IRGQ: variants seen among roughly 807,000 people sequenced by gnomAD.
IRGQ encodes the protein immunity related GTPase Q.
In IRGQ, 5 loss-of-function variants were observed where a neutral mutation model predicts 10.5. The ratio of observed to expected loss-of-function variants is 0.48; its 90% CI spans 0.25 to 1.00. The LOEUF (loss-of-function observed/expected upper bound fraction) is 1.00. Ranked by LOEUF, IRGQ falls within the 50% of genes least tolerant of loss-of-function variation. The pLI, the probability that IRGQ is intolerant of heterozygous loss-of-function variation, is 0.16. For missense variants in IRGQ, 792 were observed against 877.7 expected (o/e 0.90, Z 1.23); for synonymous variants, 418 against 426.0 (o/e 0.98, Z 0.23).
In IRGQ at chr19:43,592,998, G is replaced by T; in HGVS notation, c.900C>A (p.Leu300=). The change falls in exon 3 of 3, where the codon CTC becomes CTA. Residue 300 remains leucine, a synonymous_variant. Coordinates refer to ENST00000422989, the MANE Select transcript of IRGQ (RefSeq NM_001007561.3). The part of the protein sequence containing the change: ...AASHPTHYDA[L]ILVTPGAPTE... ...TGGGGGCCCCAGGGGTGACGAGGAT[G>T]AGGGCGTCGTAGTGCGTTGGGTGAG... is the stretch of plus-strand genomic sequence containing the variant. 1 of 1,608,880 alleles carries T rather than the reference G, an allele frequency of 6.2e-7. No homozygotes were observed. Among genetic ancestry groups the T allele is most frequent in the East Asian group, 2.2e-5 (1 of 44,836 alleles).
In IRGQ at chr19:43,586,549, G is replaced by A; in HGVS notation, c.*5477C>T. 1 of 152,202 alleles carries A rather than the reference G, an allele frequency of 6.6e-6. No individual in the cohort carries two copies. Among genetic ancestry groups the A allele is most frequent in the African/African-American group, 2.4e-5 (1 of 41,432 alleles). The allele number at this position is 152,202 out of a possible 1,614,324, so 9.4% of individuals were successfully genotyped here. ...CTGGCATGAGGGCAGAGGAAATTGA[G>A]AGGAGCAAAGCATATAGCAGTGATG... is the stretch of plus-strand genomic sequence containing the variant. On this transcript the variant is annotated 3_prime_UTR_variant, in exon 3 of 3. Coordinates refer to ENST00000422989, the MANE Select transcript of IRGQ (RefSeq NM_001007561.3).
rs1180065077 is a variant in IRGQ at position 43,584,908 on chromosome 19, G to A, written c.*7118C>T. The A allele has an allele frequency of 6.6e-6, 1 of 152,048 alleles. No homozygotes were observed. The highest frequency in any genetic ancestry group is 1.9e-4 in the East Asian group (1 of 5,192). 9.4% of individuals were successfully genotyped at this position (152,048 alleles called of 1,614,324 possible). On this transcript the variant is annotated 3_prime_UTR_variant, in exon 3 of 3. Coordinates refer to ENST00000422989, the MANE Select transcript of IRGQ (RefSeq NM_001007561.3). ...GTCACCCAGGCTGGAGTGCAGTGGA[G>A]CCATCATAGCTCACTTCAGCCTCGA...
chr19:43,594,521 C>T (rs914530955), intron 2 of IRGQ, among the ~76,000 whole-genome samples: 4 of 151,550 alleles, frequency 2.6e-5, no homozygotes, highest in East Asian at 2.0e-4. Flanking sequence ...CCAGCCTGGG[C>T]GACAGAGTGA....
chr19:43,592,701 G>A lies in IRGQ; in HGVS notation c.1197C>T (p.Gly399=), dbSNP rs2146097432. The A allele has an allele frequency of 1.2e-6, 2 of 1,609,066 alleles. No individual in the cohort carries two copies. Among genetic ancestry groups the A allele is most frequent in the Non-Finnish European group, 8.5e-7 (1 of 1,179,988 alleles). The change falls in exon 3 of 3, where the codon GGC becomes GGT. Residue 399 remains glycine (G), a synonymous_variant. Coordinates refer to ENST00000422989, the MANE Select transcript of IRGQ (RefSeq NM_001007561.3). ...AGSEGLQQVV[G]MKKSGGGDSE... is the part of the protein sequence containing the mutation. ...AGTCGCCACCACCTGATTTCTTCAT[G>A]CCGACAACCTGCTGCAAACCCTCGC...
At position 43,592,305 on chromosome 19, in the gene IRGQ, C is replaced by T; in HGVS notation, c.1593G>A (p.Glu531=). The change falls in exon 3 of 3, where the codon GAG becomes GAA. Residue 531 remains glutamate, a synonymous_variant. Coordinates refer to ENST00000422989, the MANE Select transcript of IRGQ (RefSeq NM_001007561.3). ...GLEPTALARR[E]RALGLASGEL... ...CTCCAGAAGCCAGGCCCAGGGCACG[C>T]TCACGTCGAGCCAGTGCCGTGGGTT... 6.4e-7 allele frequency: 1 copy of T among 1,565,836 alleles called. No individual in the cohort carries two copies. Among genetic ancestry groups the T allele is most frequent in the Non-Finnish European group, 8.6e-7 (1 of 1,164,560 alleles).
In IRGQ at chr19:43,591,117, A is replaced by G. The variant is rs1255478634; in HGVS notation, c.*909T>C. 1 of 152,310 alleles carries G rather than the reference A, an allele frequency of 6.6e-6. No homozygotes were observed. Among genetic ancestry groups the G allele is most frequent in the African/African-American group, 2.4e-5 (1 of 41,438 alleles). The allele number at this position is 152,310 out of a possible 1,614,324, so 9.4% of individuals were successfully genotyped here. A position where few individuals can be genotyped will look rare whatever the true frequency, so the allele number is the denominator to read the frequency against. ...CACAAGCCCCCGATCCCTCCTCCAGATGCAGACCTCCCCTTACCCAATATT... is the reference window on the plus strand; with the variant it reads ...CACAAGCCCCCGATCCCTCCTCCAGGTGCAGACCTCCCCTTACCCAATATT... On this transcript the variant is annotated 3_prime_UTR_variant, in exon 3 of 3. Transcript: ENST00000422989.
In IRGQ at chr19:43,595,068, G is replaced by C. The variant is rs1291159282; in HGVS notation, c.271C>G (p.Pro91Ala). ...VLPGPEGNGEPLAPALGEAAL... is the reference protein window; with the variant it reads ...VLPGPEGNGEALAPALGEAAL... ...GCCTCTCCCAGGGCTGGAGCCAACGGTTCCCCGTTCCCCTCGGGTCCGGGC... is the reference window on the plus strand; with the variant it reads ...GCCTCTCCCAGGGCTGGAGCCAACGCTTCCCCGTTCCCCTCGGGTCCGGGC... The change falls in exon 2 of 3, where the codon CCG becomes GCG. Residue 91 changes from proline to alanine, a missense_variant. Physicochemically the swap from Pro to Ala is conservative, Grantham distance 27. Coordinates refer to ENST00000422989, the MANE Select transcript of IRGQ (RefSeq NM_001007561.3). The C allele has an allele frequency of 6.2e-7, 1 of 1,612,628 alleles. No individual in the cohort carries two copies. The highest frequency in any genetic ancestry group is 1.7e-5 in the Admixed American group (1 of 59,954).
At position 43,592,256 on chromosome 19, in the gene IRGQ, G is replaced by C. The variant is rs780969464; in HGVS notation, c.1642C>G (p.Pro548Ala). The C allele has an allele frequency of 1.3e-6, 2 of 1,577,186 alleles. No individual in the cohort carries two copies. Among genetic ancestry groups the C allele is most frequent in the Admixed American group, 3.5e-5 (2 of 56,780 alleles). Reference sequence around the variant, plus strand: ...ACCTCGGCGCGCGTCACCGGGCCTGGGAAATGAGCGCGCGCTGCCAGCTCT... The same window carrying C: ...ACCTCGGCGCGCGTCACCGGGCCTGCGAAATGAGCGCGCGCTGCCAGCTCT... ...SGELAARAHF[P>A]GPVTRAEVEA... The change falls in exon 3 of 3, where the codon CCA (proline) becomes GCA (alanine). Residue 548 changes from proline (P) to alanine (A), a missense_variant. Transcript: ENST00000422989.
At chr19:43,594,775 G>A (rs778662336) in intron 2 of IRGQ, 34 bp downstream of exon 2, 6 of 1,564,116 alleles carry the variant, frequency 3.8e-6, no homozygotes, top group Admixed American at 1.8e-5. Flanking sequence ...CTAGGGTCTC[G>A]ACTAACGGAC....
rs1159420676 is a variant in IRGQ, at chr19:43,591,717, AGG to A, written c.*307_*308del. On this transcript the variant is annotated 3_prime_UTR_variant, in exon 3 of 3. Coordinates refer to ENST00000422989, the MANE Select transcript of IRGQ (RefSeq NM_001007561.3). ...ACAAAAATTAGCCAGGTGTGGTGGCAGGCACCTGTAATCCCAGCTACTCCGGA... is the reference window on the plus strand; with the variant it reads ...ACAAAAATTAGCCAGGTGTGGTGGCACACCTGTAATCCCAGCTACTCCGGA... 1 of 247,856 alleles carries A rather than the reference AGG, an allele frequency of 4.0e-6. No homozygotes were observed. The highest frequency in any genetic ancestry group is 7.5e-5 in the East Asian group (1 of 13,350). 15.4% of individuals were successfully genotyped at this position (247,856 alleles called of 1,614,324 possible).
At position 43,592,597 on chromosome 19, in the gene IRGQ, AG is replaced by A; in HGVS notation, c.1300del (p.Leu434TyrfsTer118). ...LEEAPPPVFPLRPGGLPGLCE... is the reference protein window; with the variant it reads ...LEEAPPPVFPXRPGGLPGLCE... The stretch of plus-strand genomic sequence containing the variant: ...TAGCCCTGGGAGTCCGCCAGGCCGT[AG>A]GGGGAACACTGGCGGCGGCGCCTCC... On this transcript the variant is annotated frameshift_variant, in exon 3 of 3. Coordinates refer to ENST00000422989, the MANE Select transcript of IRGQ (RefSeq NM_001007561.3). LOFTEE classifies it low-confidence loss of function (END_TRUNC). 1 of 1,600,794 alleles carries A rather than the reference AG, an allele frequency of 6.2e-7. No homozygotes were observed.
rs1972974199 is a variant in IRGQ at position 43,584,753 on chromosome 19, T to C, written c.*7273A>G. The C allele has an allele frequency of 6.6e-6, 1 of 152,288 alleles. No individual in the cohort carries two copies. Among genetic ancestry groups the C allele is most frequent in the African/African-American group, 2.4e-5 (1 of 41,470 alleles). The allele number at this position is 152,288 out of a possible 1,614,324, so 9.4% of individuals were successfully genotyped here. A position where few individuals can be genotyped will look rare whatever the true frequency, so the allele number is the denominator to read the frequency against. On this transcript the variant is annotated 3_prime_UTR_variant, in exon 3 of 3. Transcript: ENST00000422989. The stretch of plus-strand genomic sequence containing the variant: ...TAGGGAGCTCTGTTTCAGAGGTTGG[T>C]TGGCTATGGGTGGCAGGGATCAAGG...
rs1972987767 is a variant in IRGQ at position 43,585,692 on chromosome 19, T to C, written c.*6334A>G. On this transcript the variant is annotated 3_prime_UTR_variant, in exon 3 of 3. Transcript: ENST00000422989. ...AGTTGGGGTCATTAATGGGTATACC[T>C]GGCTCCAGAACTAAGGCGCTTTACC... The C allele has an allele frequency of 6.6e-6, 1 of 152,172 alleles. No homozygotes were observed. The highest frequency in any genetic ancestry group is 1.5e-5 in the Non-Finnish European group (1 of 68,026). The allele number at this position is 152,172 out of a possible 1,614,324, so 9.4% of individuals were successfully genotyped here.
rs754705881 is a variant in IRGQ, at chr19:43,592,252, C to T, written c.1646G>A (p.Gly549Asp). 118 of 1,578,352 alleles carry T rather than the reference C, an allele frequency of 7.5e-5. No individual in the cohort carries two copies. Among genetic ancestry groups the T allele is most frequent in the Admixed American group, 2.8e-4 (16 of 56,840 alleles). The part of the protein sequence containing the change: ...GELAARAHFP[G>D]PVTRAEVEAR... ...TTCCACCTCGGCGCGCGTCACCGGG[C>T]CTGGGAAATGAGCGCGCGCTGCCAG... Residue 549 changes from glycine to aspartate, a missense_variant, in exon 3 of 3, where the codon GGC (glycine) becomes GAC (aspartate). By Grantham distance (94) the Gly-to-Asp change is moderately conservative. Coordinates refer to ENST00000422989, the MANE Select transcript of IRGQ (RefSeq NM_001007561.3).
rs1270353584 is a variant in IRGQ, at chr19:43,584,833, C to A, written c.*7193G>T. The A allele has an allele frequency of 6.6e-6, 1 of 152,082 alleles. No homozygotes were observed. The highest frequency in any genetic ancestry group is 2.4e-5 in the African/African-American group (1 of 41,406). The allele number at this position is 152,082 out of a possible 1,614,324, so 9.4% of individuals were successfully genotyped here. A position where few individuals can be genotyped will look rare whatever the true frequency, so the allele number is the denominator to read the frequency against. ...TATTACCCAGCAGGTTAGCCCAGAT[C>A]TTTTCCTTTTCTTTCCTTCTTTTTA... On this transcript the variant is annotated 3_prime_UTR_variant, in exon 3 of 3. Transcript: ENST00000422989.
Position 43,589,580 on chromosome 19 carries a change from A to C in IRGQ, c.*2446T>G, listed in dbSNP as rs1973032243. ...CAACAGAGCAAGACCCTGTCTCTAA[A>C]ATAATAATAATAATAATAAATATTT... On this transcript the variant is annotated 3_prime_UTR_variant, in exon 3 of 3. Coordinates refer to ENST00000422989, the MANE Select transcript of IRGQ (RefSeq NM_001007561.3). 1 of 151,582 alleles carries C rather than the reference A, an allele frequency of 6.6e-6. No individual in the cohort carries two copies. Among genetic ancestry groups the C allele is most frequent in the African/African-American group, 2.4e-5 (1 of 41,192 alleles). The allele number at this position is 151,582 out of a possible 1,614,324, so 9.4% of individuals were successfully genotyped here.
chr19:43,594,380 A>C (rs977016030), intron 2 of IRGQ, among the ~76,000 whole-genome samples: 2 of 152,306 alleles, frequency 1.3e-5, no homozygotes, highest in African/African-American at 4.8e-5. Flanking sequence ...AGAGTTCAAG[A>C]CCAGCCTGGG....
rs1180095500 is a variant in IRGQ at position 43,596,020 on chromosome 19, T to C, written c.-41A>G. ...GACCCACGGGAGAGAGCGCAGTCGG[T>C]GGCAGTAGGTCAGCAGCTGAGAAGC... On this transcript the variant is annotated 5_prime_UTR_variant, in exon 1 of 3. Coordinates refer to ENST00000422989, the MANE Select transcript of IRGQ (RefSeq NM_001007561.3). 1 of 152,186 alleles carries C rather than the reference T, an allele frequency of 6.6e-6. No individual in the cohort carries two copies. The highest frequency in any genetic ancestry group is 1.5e-5 in the Non-Finnish European group (1 of 68,054). The allele number at this position is 152,186 out of a possible 1,614,324, so 9.4% of individuals were successfully genotyped here.
Position 43,592,465 on chromosome 19 carries a change from C to G in IRGQ, c.1433G>C (p.Arg478Pro). 1 of 1,587,172 alleles carries G rather than the reference C, an allele frequency of 6.3e-7. No homozygotes were observed. Among genetic ancestry groups the G allele is most frequent in the Non-Finnish European group, 8.5e-7 (1 of 1,174,616 alleles). ...CAGAGCTGGCCTCCACGCCCCGGCT[C>G]GCAACGCCGCAGCCTTGGTTCGGGC... is the stretch of plus-strand genomic sequence containing the variant. ...SAARTKAAAL[R>P]AGAWRPALLA... The change falls in exon 3 of 3, where the codon CGA (arginine) becomes CCA (proline). Residue 478 changes from arginine to proline, a missense_variant. Physicochemically the swap from Arg to Pro is moderately radical, Grantham distance 103 (BLOSUM62 -2). Transcript: ENST00000422989.
Sources: gnomAD v4.1 joint callset for allele counts (sites outside exome capture counted in the v4.1 genomes callset) on GRCh38, gnomAD v4.1.1 for gene constraint, MANE v1.5 for transcripts, NCBI Gene and HGNC (gene_info 2026-07-23, HGNC 2026-07-21) for gene names.